The following LPA variants were observed in gnomAD, a reference collection of about 807,000 sequenced individuals.
LPA encodes the protein apolipoprotein(a).
A neutral mutation model predicts 197.9 loss-of-function variants in LPA; 199 were observed. The observed-to-expected ratio is 1.01, with a 90% CI of 0.90 to 1.13. The LOEUF is 1.13. Among genes scored for constraint, LPA ranks in the 50% most tolerant of loss-of-function variants. The pLI, the probability that LPA is intolerant of heterozygous loss-of-function variation, is 0.00. For missense variants in LPA, 1,853 were observed against 1,785.8 expected (o/e 1.04, Z -0.68); for synonymous variants, 715 against 639.5 (o/e 1.12, Z -1.78).
chr6:160,575,238 C>T (rs1411626898), intron 28 of LPA, among the ~76,000 whole-genome samples: 1 of 152,042 alleles, frequency 6.6e-6, no homozygotes, highest in African/African-American at 2.4e-5. Context: ...TTGCTTCAGG[C>T]ATTTTTTCTG....
chr6:160,657,637 T>G (rs1244704307), intron 1 of LPA, among the ~76,000 whole-genome samples: 2 of 152,196 alleles, frequency 1.3e-5, no homozygotes, highest in Non-Finnish European at 2.9e-5. Flanking sequence ...GATCTCGTGA[T>G]CTGCCCGCCC....
At chr6:160,605,402 C>T (rs934328587) in intron 17 of LPA, among the ~76,000 whole-genome samples, 197 bp from the exon 18 acceptor site, 9 of 152,098 alleles carry the variant, frequency 5.9e-5, no homozygotes, top group African/African-American at 2.2e-4. Flanking sequence ...ACAAAAACAC[C>T]AAAGAAACAA....
chr6:160,567,722 G>A (rs981594312), intron 28 of LPA, among the ~76,000 whole-genome samples: 7 of 152,020 alleles, frequency 4.6e-5, no homozygotes, highest in African/African-American at 1.7e-4. Flanking sequence ...TTTTTGAAAA[G>A]ATCAACAAAA....
intron 18 of LPA, 74 bp downstream of exon 18, chr6:160,604,972 G>T (rs957219273): frequency 8.8e-6 from 14 of 1,598,002 alleles, no homozygotes; most frequent in Non-Finnish European, 1.2e-5. Context: ...TGAACACTCA[G>T]CTTGAAGCAT....
intron 16 of LPA, 95 bp from the exon 17 acceptor site, chr6:160,606,753 A>G (rs191034110): frequency 3.4e-5 from 52 of 1,530,610 alleles, no homozygotes; most frequent in Middle Eastern, 3.9e-4. Context: ...GGTCATTACC[A>G]GTGCCTTTCT....
intron 30 of LPA, among the ~76,000 whole-genome samples, chr6:160,550,462 G>C (rs1305102600): frequency 6.6e-6 from 1 of 152,196 alleles, no homozygotes; most frequent in Non-Finnish European, 1.5e-5. Context: ...CCAGCAAGCT[G>C]GTTCTCCAAG....
At chr6:160,554,899 T>A (rs897018132) in intron 30 of LPA, among the ~76,000 whole-genome samples, 28 of 152,180 alleles carry the variant, frequency 1.8e-4, no homozygotes, top group African/African-American at 5.3e-4. Context: ...TCCAATTCCT[T>A]GCCCTTCAGT....
intron 28 of LPA, among the ~76,000 whole-genome samples, chr6:160,566,688 C>T (rs777697002): frequency 6.6e-6 from 1 of 152,154 alleles, no homozygotes; most frequent in Non-Finnish European, 1.5e-5. Context: ...TTAAAAGACA[C>T]AGACTGGAAA....
At position 160,563,605 on chromosome 6, in the gene LPA, C is replaced by T. The variant is rs146871152; in HGVS notation, c.4632-6034G>A. Among the ~76,000 whole-genome samples the T allele has an allele frequency of 4.1e-4, 62 of 152,316 alleles. No individual in the cohort carries two copies. In the East Asian group the frequency reaches 0.012, roughly 29 times the overall value. On this transcript the variant is annotated intron_variant, in intron 28 of 38. Transcript: ENST00000316300. ...GGTCAGCTTGGTCCAGAGCTGAATT[C>T]ACGTCCTGAATATCCTTGTTAATTT...
At position 160,654,002 on chromosome 6, in the gene LPA, A is replaced by T. The variant is rs1562354637; in HGVS notation, c.50-3505T>A. On this transcript the variant is annotated intron_variant, in intron 1 of 38. Transcript: ENST00000316300. ...ATATAATATATAATATATATTATATATAATATATATTATATATAATATATA... is the reference window on the plus strand; with the variant it reads ...ATATAATATATAATATATATTATATTTAATATATATTATATATAATATATA... Among the ~76,000 whole-genome samples, 8 of 17,416 alleles carry T rather than the reference A, an allele frequency of 4.6e-4. No homozygotes were observed. The East Asian group carries it at 0.013, about 28-fold the overall frequency. The allele number at this position is 17,416 out of a possible 152,430, so 11.4% of individuals were successfully genotyped here.
Position 160,606,450 on chromosome 6 carries a change from G to A in LPA, c.2785+27C>T, listed in dbSNP as rs769324261. 3.1e-6 allele frequency: 5 copies of A among 1,612,318 alleles called. No homozygotes were observed. In the East Asian group the frequency reaches 1.1e-4, roughly 36 times the overall value. On this transcript the variant is annotated intron_variant, in intron 17 of 38. Coordinates refer to ENST00000316300, the MANE Select transcript of LPA (RefSeq NM_005577.4). ...GCTTTTCATCCCAGCATCGAAACGT[G>A]TAGGTTTCTGGCCACAGGCTCCTTA... is the stretch of plus-strand genomic sequence containing the variant.
intron 7 of LPA, among the ~76,000 whole-genome samples, chr6:160,634,701 T>C (rs1779768654): frequency 6.6e-6 from 1 of 151,838 alleles, no homozygotes; most frequent in African/African-American, 2.4e-5. Flanking sequence ...TTCTCGAGGA[T>C]GACAGGCTCC....
chr6:160,654,015 T>A lies in LPA; in HGVS notation c.50-3518A>T, dbSNP rs1239162667. On this transcript the variant is annotated intron_variant, in intron 1 of 38. Transcript: ENST00000316300. ...TATATATTATATATAATATATATTA[T>A]ATATAATATATAATATATATTATAT... is the stretch of plus-strand genomic sequence containing the variant. Among the ~76,000 whole-genome samples the A allele has an allele frequency of 2.1e-3, 7 of 3,270 alleles. No homozygotes were observed. The East Asian group carries it at 0.027, about 13-fold the overall frequency. 2.1% of individuals were successfully genotyped at this position (3,270 alleles called of 152,430 possible). A position where few individuals can be genotyped will look rare whatever the true frequency, so the allele number is the denominator to read the frequency against.
intron 27 of LPA, among the ~76,000 whole-genome samples, chr6:160,577,684 G>C (rs1035388554): frequency 6.6e-6 from 1 of 152,110 alleles, no homozygotes; most frequent in Non-Finnish European, 1.5e-5. Flanking sequence ...AGACCCTTGC[G>C]CATTTCCCTA....
chr6:160,537,209 A>G (rs1777908168), intron 37 of LPA, among the ~76,000 whole-genome samples: 1 of 152,214 alleles, frequency 6.6e-6, no homozygotes, highest in Non-Finnish European at 1.5e-5. Context: ...CATAAAATGT[A>G]GTACAGGTGC....
intron 19 of LPA, among the ~76,000 whole-genome samples, chr6:160,600,094 C>T (rs1272535643): frequency 6.6e-6 from 1 of 152,078 alleles, no homozygotes; most frequent in Non-Finnish European, 1.5e-5. Context: ...TTGCATGTGT[C>T]CCTAGATGAT....
intron 32 of LPA, among the ~76,000 whole-genome samples, chr6:160,545,753 G>A (rs1166970328): frequency 6.6e-6 from 1 of 152,082 alleles, no homozygotes; most frequent in Non-Finnish European, 1.5e-5. Flanking sequence ...CTTAACCAGG[G>A]TGTGGTGACC....
At chr6:160,574,397 C>T (rs1457662396) in intron 28 of LPA, among the ~76,000 whole-genome samples, 1 of 152,064 alleles carries the variant, frequency 6.6e-6, no homozygotes, top group Admixed American at 6.5e-5. Flanking sequence ...AGATTCATGC[C>T]CTCCCCCAAG....
Position 160,567,913 on chromosome 6 carries a change from T to C in LPA, c.4631+9223A>G, listed in dbSNP as rs184882831. Among the ~76,000 whole-genome samples the C allele has an allele frequency of 5.4e-3, 815 of 152,310 alleles. 14 individuals carry two copies. The highest frequency in any genetic ancestry group is 0.019 in the African/African-American group (800 of 41,570). On this transcript the variant is annotated intron_variant, in intron 28 of 38. Transcript: ENST00000316300. ...AATCTAGAAGAAATGGAAAAATTCC[T>C]GGACACATACACCCTACCAAGACTA...
Sources: gnomAD v4.1 joint callset for allele counts (sites outside exome capture counted in the v4.1 genomes callset) on GRCh38, gnomAD v4.1.1 for gene constraint, MANE v1.5 for transcripts, NCBI Gene and HGNC (gene_info 2026-07-23, HGNC 2026-07-21) for gene names.